INSL6: variants seen among roughly 807,000 people sequenced by gnomAD.
The protein encoded by INSL6 is insulin-like peptide INSL6.
A neutral mutation model predicts 9.4 loss-of-function variants in INSL6; 16 were observed. That is an observed-to-expected ratio of 1.70 (90% confidence interval 1.15 to 2.59). INSL6 has a LOEUF of 2.59. Among genes scored for constraint, INSL6 ranks in the 30% most tolerant of loss-of-function variants. The pLI, the probability that INSL6 is intolerant of heterozygous loss-of-function variation, is 0.00. For missense variants in INSL6, 391 were observed against 257.3 expected (o/e 1.52, Z -3.56); for synonymous variants, 154 against 96.9 (o/e 1.59, Z -3.46).
At chr9:5,145,433 C>G (rs1020938537) in intron 2 of INSL6, among the ~76,000 whole-genome samples, 19 of 152,108 alleles carry the variant, frequency 1.2e-4, no homozygotes, top group African/African-American at 4.3e-4. Flanking sequence ...GATTAAGCAT[C>G]CTGGGGTTGA....
chr9:5,159,674 G>A (rs1222940793), downstream of INSL6, among the ~76,000 whole-genome samples: 3 of 152,196 alleles, frequency 2.0e-5, no homozygotes, highest in South Asian at 4.1e-4. Context: ...GAGCTAATGA[G>A]AGAGACCCCA....
chr9:5,172,332 C>G (rs1489779177), intron 1 of INSL6, among the ~76,000 whole-genome samples: 2 of 152,152 alleles, frequency 1.3e-5, no homozygotes, highest in Non-Finnish European at 2.9e-5. Context: ...AAAGACTTAA[C>G]TGTAAAACCA....
the INSL6 span, among the ~76,000 whole-genome samples, chr9:5,005,865 C>G: frequency 2.0e-5 from 3 of 152,194 alleles, no homozygotes; most frequent in African/African-American, 7.2e-5. Context: ...CTCTGTTTTG[C>G]TACCAGTACC....
At chr9:5,053,345 T>C in the INSL6 span, among the ~76,000 whole-genome samples, 1 of 152,116 alleles carries the variant, frequency 6.6e-6, no homozygotes, top group East Asian at 1.9e-4. Flanking sequence ...TTATTGAGTT[T>C]AGAAAATTCT....
the INSL6 span, chr9:5,040,950 GA>G: frequency 2.1e-6 from 1 of 469,978 alleles, no homozygotes; most frequent in African/African-American, 2.1e-5. Flanking sequence ...GCCAAGGAAA[GA>G]ATCTCTATAC....
chr9:5,088,216 G>C, the INSL6 span, among the ~76,000 whole-genome samples: 4 of 152,088 alleles, frequency 2.6e-5, no homozygotes, highest in East Asian at 7.7e-4. Flanking sequence ...TCTGACTTGA[G>C]AGTCCTGGGT....
chr9:5,131,081 T>C (rs878953177), intron 3 of INSL6, among the ~76,000 whole-genome samples: 2 of 152,130 alleles, frequency 1.3e-5, no homozygotes, highest in Non-Finnish European at 2.9e-5. Context: ...TTGGAATTTA[T>C]TTACTGAAAT....
chr9:5,006,606 A>G, the INSL6 span, among the ~76,000 whole-genome samples: 2 of 152,178 alleles, frequency 1.3e-5, no homozygotes, highest in African/African-American at 4.8e-5. Context: ...GTGAAGGGGA[A>G]AAAAGTACAT....
the INSL6 span, among the ~76,000 whole-genome samples, chr9:5,005,277 C>T: frequency 1.3e-5 from 2 of 151,638 alleles, no homozygotes; most frequent in African/African-American, 2.4e-5. Context: ...AATATCTGTT[C>T]CGGTCCTTTG....
At chr9:5,104,996 C>CA in the INSL6 span, among the ~76,000 whole-genome samples, 1 of 152,160 alleles carries the variant, frequency 6.6e-6, no homozygotes, top group African/African-American at 2.4e-5. Context: ...TGAAAACTGG[C>CA]AAAAGACAAG....
chr9:5,117,136 G>A, the INSL6 span, among the ~76,000 whole-genome samples: 5 of 152,228 alleles, frequency 3.3e-5, no homozygotes, highest in Non-Finnish European at 7.3e-5. Context: ...GCAGAGAGCA[G>A]CCCTCACCAC....
At chr9:5,032,823 C>T in the INSL6 span, among the ~76,000 whole-genome samples, 1 of 152,192 alleles carries the variant, frequency 6.6e-6, no homozygotes, top group Non-Finnish European at 1.5e-5. Flanking sequence ...ACTGGAAACT[C>T]TAAAAATGAG....
At position 5,174,221 on chromosome 9, in the gene INSL6, C is replaced by T. The variant is rs143080326; in HGVS notation, c.290-9956G>A. Among the ~76,000 whole-genome samples, 611 of 152,258 alleles carry T rather than the reference C, an allele frequency of 4.0e-3. 3 individuals carry two copies. The highest frequency in any genetic ancestry group is 0.014 in the African/African-American group (586 of 41,560). On this transcript the variant is annotated intron_variant, in intron 1 of 1. Coordinates refer to ENST00000381641, the MANE Select transcript of INSL6 (RefSeq NM_007179.3). ...ACAAACCCAAACACATTTCTCTTGG[C>T]CCCACTTACCATGCCAGCTACCATC...
chr9:5,148,039 T>A (rs1298827747), intron 2 of INSL6, among the ~76,000 whole-genome samples: 1 of 152,218 alleles, frequency 6.6e-6, no homozygotes, highest in East Asian at 1.9e-4. Flanking sequence ...ATCTGCCATT[T>A]CAGACAATTC....
At chr9:5,083,206 AT>A in the INSL6 span, among the ~76,000 whole-genome samples, 38,246 of 152,044 alleles carry the variant, frequency 0.25, 5,066 homozygotes, top group African/African-American at 0.33. Flanking sequence ...CTCAGGGAGA[AT>A]TAATCTTATT....
rs374294808 is a variant in INSL6 at position 5,180,573 on chromosome 9, C to G, written c.289+4741G>C. ...CGCTTCGGGAATGTCTGTCTTATGT[C>G]GTTGACATAAGGACTGATATACGCC... On this transcript the variant is annotated intron_variant, in intron 1 of 1. Transcript: ENST00000381641. Among the ~76,000 whole-genome samples, 4 of 152,182 alleles carry G rather than the reference C, an allele frequency of 2.6e-5. No individual in the cohort carries two copies. In the East Asian group the frequency reaches 5.8e-4, roughly 22 times the overall value.
the INSL6 span, chr9:5,110,681 G>A: frequency 9.3e-6 from 3 of 321,048 alleles, no homozygotes; most frequent in Non-Finnish European, 1.8e-5. Flanking sequence ...ACCAACGCCT[G>A]AGCCCTTTCT....
At chr9:5,043,670 A>G in the INSL6 span, among the ~76,000 whole-genome samples, 1 of 152,238 alleles carries the variant, frequency 6.6e-6, no homozygotes, top group African/African-American at 2.4e-5. Flanking sequence ...GTTATTCACA[A>G]TAGAAAAATA....
chr9:5,077,658 C>A, the INSL6 span: 1 of 930,742 alleles, frequency 1.1e-6, no homozygotes. Context: ...TACCTGGAAA[C>A]AAAAAATAAA....
Sources: allele counts gnomAD v4.1 joint callset (sites outside exome capture counted in the v4.1 genomes callset), GRCh38; gene constraint gnomAD v4.1.1; transcripts MANE v1.5; gene names NCBI Gene and HGNC (gene_info 2026-07-23, HGNC 2026-07-21).